Variants in C7orf78 observed in about 807,000 individuals in gnomAD.
The protein encoded by C7orf78 is chromosome 7 open reading frame 78, also known as putative uncharacterized protein C7orf78.
At chr7:12,521,446 A>T in the C7orf78 span, among the ~76,000 whole-genome samples, 1 of 152,026 alleles carries the variant, frequency 6.6e-6, no homozygotes, top group Non-Finnish European at 1.5e-5. Context: ...TACCCATTAT[A>T]TGACCTTCTT....
the C7orf78 span, among the ~76,000 whole-genome samples, chr7:12,495,229 C>T: frequency 3.3e-5 from 5 of 152,158 alleles, no homozygotes; most frequent in Admixed American, 2.6e-4. Context: ...AAATTTGTTA[C>T]TCATGAAAGT....
At chr7:12,484,125 C>T in the C7orf78 span, 1 of 152,202 alleles carries the variant, frequency 6.6e-6, no homozygotes, top group African/African-American at 2.4e-5. Flanking sequence ...TATAAAAATA[C>T]TTAAACACTG....
the C7orf78 span, among the ~76,000 whole-genome samples, chr7:12,508,079 T>C: frequency 6.6e-6 from 1 of 152,222 alleles, no homozygotes; most frequent in African/African-American, 2.4e-5. Flanking sequence ...CCTTTTTATA[T>C]GACAACTATT....
chr7:12,511,362 T>A, the C7orf78 span, among the ~76,000 whole-genome samples: 5 of 152,202 alleles, frequency 3.3e-5, no homozygotes, highest in Non-Finnish European at 7.4e-5. Flanking sequence ...ACTTTGGCAA[T>A]TTGGGATCTT....
At chr7:12,500,720 A>G in the C7orf78 span, among the ~76,000 whole-genome samples, 1 of 151,984 alleles carries the variant, frequency 6.6e-6, no homozygotes, top group Non-Finnish European at 1.5e-5. Flanking sequence ...ATCCTCCCCA[A>G]CTCATTTTAT....
the C7orf78 span, among the ~76,000 whole-genome samples, chr7:12,510,520 T>A: frequency 6.6e-6 from 1 of 152,186 alleles, no homozygotes; most frequent in Non-Finnish European, 1.5e-5. Flanking sequence ...CTAATTTACA[T>A]TCTCACCAAC....
At chr7:12,531,334 C>T in the C7orf78 span, among the ~76,000 whole-genome samples, 1 of 152,148 alleles carries the variant, frequency 6.6e-6, no homozygotes, top group Non-Finnish European at 1.5e-5. Context: ...CGTGCATAAT[C>T]ACCTCTCACA....
chr7:12,537,471 C>G, the C7orf78 span, among the ~76,000 whole-genome samples: 2 of 152,056 alleles, frequency 1.3e-5, no homozygotes, highest in African/African-American at 4.8e-5. Context: ...CAAACCATAT[C>G]AATAGGCAAG....
At chr7:12,489,344 T>C in the C7orf78 span, among the ~76,000 whole-genome samples, 1 of 152,110 alleles carries the variant, frequency 6.6e-6, no homozygotes, top group Non-Finnish European at 1.5e-5. Flanking sequence ...ATGAAACACA[T>C]TCATAATAAA....
chr7:12,496,749 T>A, the C7orf78 span: 1 of 152,210 alleles, frequency 6.6e-6, no homozygotes, highest in Admixed American at 6.5e-5. Flanking sequence ...AAGTAGGTAT[T>A]TGTATATATG....
At chr7:12,528,583 C>T in the C7orf78 span, among the ~76,000 whole-genome samples, 29 of 152,252 alleles carry the variant, frequency 1.9e-4, no homozygotes, top group African/African-American at 5.3e-4. Context: ...CTTTGTAAGA[C>T]GCAGCCCCTG....
the C7orf78 span, among the ~76,000 whole-genome samples, chr7:12,489,601 T>C: frequency 6.6e-6 from 1 of 152,086 alleles, no homozygotes; most frequent in Non-Finnish European, 1.5e-5. Context: ...AGGGCTTGGA[T>C]TGGAGCCGAA....
At chr7:12,497,639 C>A in the C7orf78 span, among the ~76,000 whole-genome samples, 1 of 152,072 alleles carries the variant, frequency 6.6e-6, no homozygotes, top group South Asian at 2.1e-4. Flanking sequence ...AACTGCAAGG[C>A]GGCAGCGAGG....
chr7:12,524,042 C>T, the C7orf78 span, among the ~76,000 whole-genome samples: 2 of 152,050 alleles, frequency 1.3e-5, no homozygotes, highest in Non-Finnish European at 2.9e-5. Flanking sequence ...AAGAGTTAAA[C>T]AGTAGAACTG....
chr7:12,507,435 T>G, the C7orf78 span: 1 of 195,490 alleles, frequency 5.1e-6, no homozygotes, highest in African/African-American at 2.3e-5. Context: ...CATCCAGTGA[T>G]GAGAGAGAGA....
chr7:12,494,572 T>A, the C7orf78 span, among the ~76,000 whole-genome samples: 1 of 152,206 alleles, frequency 6.6e-6, no homozygotes, highest in African/African-American at 2.4e-5. Context: ...AGGCACAATA[T>A]GATAGCATCG....
the C7orf78 span, chr7:12,484,095 C>T: frequency 6.6e-6 from 1 of 152,034 alleles, no homozygotes; most frequent in Non-Finnish European, 1.5e-5. Context: ...AAAATAAGCT[C>T]TGAAAAAGGG....
At chr7:12,490,100 T>A in the C7orf78 span, among the ~76,000 whole-genome samples, 1 of 152,200 alleles carries the variant, frequency 6.6e-6, no homozygotes, top group Non-Finnish European at 1.5e-5. Flanking sequence ...AGATATTTAA[T>A]AATATTAATA....
the C7orf78 span, among the ~76,000 whole-genome samples, chr7:12,533,278 G>A: frequency 0.71 from 108,216 of 151,862 alleles, 39,600 homozygotes; most frequent in East Asian, 0.92. Flanking sequence ...TCAGCTCACA[G>A]CAACTTTCAC....
Sources: gnomAD v4.1 joint callset for allele counts (sites outside exome capture counted in the v4.1 genomes callset) on GRCh38, gnomAD v4.1.1 for gene constraint, MANE v1.5 for transcripts, NCBI Gene and HGNC (gene_info 2026-07-23, HGNC 2026-07-21) for gene names.